The following ARHGAP17 variants were observed in gnomAD, a reference collection of about 807,000 sequenced individuals.
The protein encoded by ARHGAP17 is rho GTPase-activating protein 17.
Under a neutral mutation model 99.5 loss-of-function variants are expected in ARHGAP17, and 57 were observed. That is an observed-to-expected ratio of 0.57 (90% confidence interval 0.46 to 0.71). ARHGAP17 has a LOEUF of 0.71. Ranked by LOEUF, ARHGAP17 falls within the 30% of genes least tolerant of loss-of-function variation. The pLI is 0.00. For synonymous variants in ARHGAP17, 417 were observed against 429.6 expected (o/e 0.97, Z 0.36); for missense variants, 1,000 against 1,122.4 (o/e 0.89, Z 1.56).
At chr16:24,941,928 A>G (rs2051323341) in intron 16 of ARHGAP17, 59 bp downstream of exon 16, 1 of 1,610,850 alleles carries the variant, frequency 6.2e-7, no homozygotes, top group South Asian at 1.1e-5. Flanking sequence ...GCGATACCAG[A>G]TACCACGGGT....
Position 24,931,106 on chromosome 16 carries a change from A to G in ARHGAP17, c.2193T>C (p.Asn731=), listed in dbSNP as rs1415348691. ...CCATGGGGTTGGGAGGGCCCTGGCT[A>G]TTGGGTTTGGTGTGCATCAGTGGCG... ...QATPLMHTKP[N]SQGPPNPMAL... is the part of the protein sequence containing the mutation. Residue 731 remains asparagine, a synonymous_variant, in exon 19 of 20, where the codon AAT becomes AAC. Coordinates refer to ENST00000289968, the MANE Select transcript of ARHGAP17 (RefSeq NM_001006634.3). 8 of 1,605,990 alleles carry G rather than the reference A, an allele frequency of 5.0e-6. No individual in the cohort carries two copies. In the African/African-American group the frequency reaches 8.0e-5, roughly 16 times the overall value.
rs1392619258 is a variant in ARHGAP17, at chr16:24,939,573, G to T, written c.1515C>A (p.Phe505Leu). ...GAGTGCCACCCCGCCGGTGGGCCTG[G>T]AAGTCCATAAGCTTCACACCAAAGC... ...KESFGVKLMDFQAHRRGGTLN... is the reference protein window; with the variant it reads ...KESFGVKLMDLQAHRRGGTLN... Residue 505 changes from phenylalanine (F) to leucine (L), a missense_variant, in exon 17 of 20, where the codon TTC becomes TTA. This residue lies in a region of ARHGAP17 where 528 missense variants were observed against 511.4 expected (regional missense o/e 1.03). Transcript: ENST00000289968. The T allele has an allele frequency of 6.2e-7, 1 of 1,607,330 alleles. No individual in the cohort carries two copies. Among genetic ancestry groups the T allele is most frequent in the Non-Finnish European group, 8.5e-7 (1 of 1,177,568 alleles).
intron 19 of ARHGAP17, among the ~76,000 whole-genome samples, chr16:24,924,508 C>T (rs2152438498): frequency 6.6e-6 from 1 of 151,204 alleles, no homozygotes; most frequent in South Asian, 2.1e-4. Context: ...CCTCAAAGAC[C>T]AGCCCTTGGA....
chr16:24,981,570 G>A (rs1227346317), intron 1 of ARHGAP17, among the ~76,000 whole-genome samples: 2 of 152,156 alleles, frequency 1.3e-5, no homozygotes, highest in African/African-American at 2.4e-5. Context: ...TTATGAATAT[G>A]AATAAATGTC....
chr16:24,931,101 T>C lies in ARHGAP17; in HGVS notation c.2198A>G (p.Gln733Arg). 1 of 1,606,448 alleles carries C rather than the reference T, an allele frequency of 6.2e-7. No individual in the cohort carries two copies. Among genetic ancestry groups the C allele is most frequent in the Non-Finnish European group, 8.5e-7 (1 of 1,176,518 alleles). Reference protein sequence around the residue: ...TPLMHTKPNSQGPPNPMALPS... With the variant: ...TPLMHTKPNSRGPPNPMALPS... Reference sequence around the variant, plus strand: ...CAATGCCATGGGGTTGGGAGGGCCCTGGCTATTGGGTTTGGTGTGCATCAG... The same window carrying C: ...CAATGCCATGGGGTTGGGAGGGCCCCGGCTATTGGGTTTGGTGTGCATCAG... Residue 733 changes from glutamine to arginine, a missense_variant, in exon 19 of 20, where the codon CAG (glutamine) becomes CGG (arginine). Physicochemically the swap from Gln to Arg is conservative, Grantham distance 43. Around this residue, in one of 2 missense-constraint regions of ARHGAP17, gnomAD observed 528 missense variants for 511.4 expected, o/e 1.03. Transcript: ENST00000289968.
At chr16:24,945,408 TGA>T (rs2051441904) in intron 14 of ARHGAP17, among the ~76,000 whole-genome samples, 3 of 152,038 alleles carry the variant, frequency 2.0e-5, no homozygotes, top group Admixed American at 6.6e-5. Flanking sequence ...CTGTTTCAGC[TGA>T]GAGTCAGAAC....
At position 25,015,288 on chromosome 16, in the gene ARHGAP17, G is replaced by T. The variant is rs1262547166; in HGVS notation, c.-27C>A. On this transcript the variant is annotated 5_prime_UTR_variant, in exon 1 of 20. Transcript: ENST00000289968. ...GCGGCGGTGGCGGCGGCGGCCCGCG[G>T]GGCTCGGGCCGGGCAGGGCGGGGGA... The T allele has an allele frequency of 7.6e-7, 1 of 1,323,250 alleles. No homozygotes were observed. The highest frequency in any genetic ancestry group is 2.7e-4 in the Middle Eastern group (1 of 3,678). 82.0% of individuals were successfully genotyped at this position (1,323,250 alleles called of 1,614,324 possible). A position where few individuals can be genotyped will look rare whatever the true frequency, so the allele number is the denominator to read the frequency against.
chr16:24,925,983 G>A (rs1279864719), intron 19 of ARHGAP17, among the ~76,000 whole-genome samples: 11 of 151,568 alleles, frequency 7.3e-5, no homozygotes, highest in African/African-American at 2.2e-4. Context: ...GGTGGTGGGC[G>A]CCTGTAGTCC....
At chr16:24,957,634 T>A (rs1313541038) in intron 9 of ARHGAP17, 2 of 152,282 alleles carry the variant, frequency 1.3e-5, no homozygotes, top group East Asian at 3.8e-4. Flanking sequence ...TGGTTGCTGG[T>A]CCTTTGAAAA....
chr16:24,939,398 T>C lies in ARHGAP17; in HGVS notation c.1690A>G (p.Ile564Val). 1 of 1,610,078 alleles carries C rather than the reference T, an allele frequency of 6.2e-7. No homozygotes were observed. Among genetic ancestry groups the C allele is most frequent in the Non-Finnish European group, 8.5e-7 (1 of 1,179,746 alleles). The part of the protein sequence containing the change: ...GGGTVPSSAG[I>V]LEQGPSPGDG... The stretch of plus-strand genomic sequence containing the variant: ...CCTGGGCTCGGCCCCTGCTCCAGTA[T>C]GCCCGCGGAAGAGGGGACAGTCCCA... Residue 564 changes from isoleucine (I) to valine (V), a missense_variant, in exon 17 of 20, where the codon ATA (isoleucine) becomes GTA (valine). Physicochemically the swap from Ile to Val is conservative, Grantham distance 29. Transcript: ENST00000289968.
intron 1 of ARHGAP17, among the ~76,000 whole-genome samples, chr16:25,010,966 GGAGACACTCCCT>G (rs1362219586): frequency 2.6e-5 from 4 of 152,210 alleles, no homozygotes; most frequent in Admixed American, 2.6e-4. Flanking sequence ...CAACACCCAA[GGAGACACTCCCT>G]ATCAGAGCCT....
At chr16:24,938,054 G>A (rs2051190301) in intron 17 of ARHGAP17, among the ~76,000 whole-genome samples, 1 of 152,132 alleles carries the variant, frequency 6.6e-6, no homozygotes, top group African/African-American at 2.4e-5. Flanking sequence ...CTGAATTAAT[G>A]TCAATTAAAT....
At chr16:25,015,074 G>C in intron 1 of ARHGAP17, 135 bp downstream of exon 1, 9 of 895,180 alleles carry the variant, frequency 1.0e-5, no homozygotes, top group South Asian at 5.3e-5. Context: ...CCCCGGGCCC[G>C]TGCCCCGCTG....
chr16:24,982,979 TATATATATATATATATA>T (rs1450760037), intron 1 of ARHGAP17, among the ~76,000 whole-genome samples: 3 of 18,470 alleles, frequency 1.6e-4, no homozygotes, highest in African/African-American at 6.9e-4. Flanking sequence ...TATATATATA[TATATATATATATATATA>T]TTTTTTTTTT....
intron 15 of ARHGAP17, among the ~76,000 whole-genome samples, chr16:24,942,950 C>T (rs1378163165): frequency 2.0e-5 from 3 of 152,226 alleles, no homozygotes; most frequent in East Asian, 3.9e-4. Context: ...ATGAATGAGG[C>T]GTGATTCCTG....
intron 18 of ARHGAP17, 83 bp downstream of exon 18, chr16:24,935,387 A>C (rs2051107360): frequency 7.0e-7 from 1 of 1,428,976 alleles, no homozygotes; most frequent in Admixed American, 2.4e-5. Context: ...TCTGGCCACA[A>C]ACCTCACCAT....
chr16:24,971,158 T>A lies in ARHGAP17; in HGVS notation c.199-578A>T, dbSNP rs529598079. Reference sequence around the variant, plus strand: ...GTGTTGGGATTACAGGCATGAACCATCACGCCCAGCCTGTTCATATTATTA... The same window carrying A: ...GTGTTGGGATTACAGGCATGAACCAACACGCCCAGCCTGTTCATATTATTA... On this transcript the variant is annotated intron_variant, in intron 3 of 19. Coordinates refer to ENST00000289968, the MANE Select transcript of ARHGAP17 (RefSeq NM_001006634.3). Among the ~76,000 whole-genome samples the A allele has an allele frequency of 3.3e-5, 5 of 150,542 alleles. No homozygotes were observed. The East Asian group carries it at 1.0e-3, about 30-fold the overall frequency.
Position 25,010,887 on chromosome 16 carries a change from G to T in ARHGAP17, c.53+4322C>A, listed in dbSNP as rs551563021. 2.0e-5 allele frequency among the ~76,000 whole-genome samples: 3 copies of T among 152,138 alleles called. No homozygotes were observed. In the East Asian group the frequency reaches 5.8e-4, roughly 29 times the overall value. On this transcript the variant is annotated intron_variant, in intron 1 of 19. Coordinates refer to ENST00000289968, the MANE Select transcript of ARHGAP17 (RefSeq NM_001006634.3). ...CTAGGCATTTGGGTTTACAACCTTG[G>T]GTTCTCAAAAAACAACTATCTGTGA...
intron 1 of ARHGAP17, among the ~76,000 whole-genome samples, chr16:24,986,427 G>A (rs71375681): frequency 0.15 from 22,575 of 152,148 alleles, 2,148 homozygotes; most frequent in Middle Eastern, 0.3. Context: ...CTAGCTCACC[G>A]CCCATTTTTT....
Sources: gnomAD v4.1 joint callset for allele counts (sites outside exome capture counted in the v4.1 genomes callset) on GRCh38, gnomAD v4.1.1 for gene constraint, gnomAD v4.1.1 regional missense constraint, MANE v1.5 for transcripts, NCBI Gene and HGNC (gene_info 2026-07-23, HGNC 2026-07-21) for gene names.